PRKCE: variants seen among roughly 807,000 people sequenced by gnomAD.
PRKCE encodes the protein protein kinase C epsilon type.
Under a neutral mutation model 85.4 loss-of-function variants are expected in PRKCE, and 16 were observed. The observed-to-expected ratio is 0.19, with a 90% CI of 0.13 to 0.28. PRKCE has a LOEUF of 0.28. Ranked by LOEUF, PRKCE falls within the 10% of genes least tolerant of loss-of-function variation. The pLI is 1.00. For missense variants in PRKCE, 573 were observed against 975.2 expected (o/e 0.59, Z 5.49); for synonymous variants, 388 against 371.5 (o/e 1.04, Z -0.51).
chr2:45,665,941 A>T (rs189262632), intron 1 of PRKCE, among the ~76,000 whole-genome samples: 213 of 152,204 alleles, frequency 1.4e-3, no homozygotes, highest in Middle Eastern at 0.01. Context: ...AAATAATTCC[A>T]GCCTTGGTGT....
intron 14 of PRKCE, among the ~76,000 whole-genome samples, chr2:46,177,024 A>G (rs957156995): frequency 6.6e-6 from 1 of 152,208 alleles, no homozygotes; most frequent in African/African-American, 2.4e-5. Flanking sequence ...ACTGAGATTC[A>G]GAGAGGTAAG....
chr2:46,136,953 A>G (rs761974305), intron 11 of PRKCE, among the ~76,000 whole-genome samples: 4 of 152,240 alleles, frequency 2.6e-5, no homozygotes, highest in African/African-American at 7.2e-5. Flanking sequence ...TCAGTGCTTT[A>G]TACACATAAA....
chr2:45,849,503 CAGTCT>C (rs1166009977), intron 2 of PRKCE, among the ~76,000 whole-genome samples: 3 of 152,298 alleles, frequency 2.0e-5, no homozygotes, highest in Admixed American at 1.3e-4. Context: ...AAATTCTCTT[CAGTCT>C]TTAATAAGAA....
chr2:46,167,792 C>T (rs1039348384), intron 14 of PRKCE: 2 of 148,560 alleles, frequency 1.3e-5, no homozygotes, highest in South Asian at 2.2e-4. Flanking sequence ...ATGCTTACCA[C>T]GTTGACGTTC....
chr2:45,738,122 A>G (rs997743879), intron 1 of PRKCE, among the ~76,000 whole-genome samples: 1 of 152,070 alleles, frequency 6.6e-6, no homozygotes, highest in Admixed American at 6.5e-5. Flanking sequence ...CCTGCTGCCA[A>G]TCTCTCCCAC....
chr2:45,937,881 G>A (rs1394529877), intron 2 of PRKCE, among the ~76,000 whole-genome samples: 1 of 152,126 alleles, frequency 6.6e-6, no homozygotes, highest in Non-Finnish European at 1.5e-5. Context: ...TTTCTTTAAA[G>A]AGGTGAGGAA....
intron 1 of PRKCE, among the ~76,000 whole-genome samples, chr2:45,769,595 A>G (rs1685162114): frequency 1.3e-5 from 2 of 152,202 alleles, no homozygotes; most frequent in South Asian, 4.1e-4. Flanking sequence ...ACTGATATTA[A>G]GTTTGTTTAA....
At chr2:46,020,849 G>A (rs7575331) in intron 10 of PRKCE, among the ~76,000 whole-genome samples, 42,855 of 152,090 alleles carry the variant, frequency 0.28, 6,671 homozygotes, top group Middle Eastern at 0.38. Flanking sequence ...AAGGAGAGAC[G>A]TATTTATTGA....
At chr2:45,815,197 C>A (rs973999923) in intron 1 of PRKCE, among the ~76,000 whole-genome samples, 1 of 152,186 alleles carries the variant, frequency 6.6e-6, no homozygotes, top group East Asian at 1.9e-4. Context: ...ACACCAGTTA[C>A]CCCCCTTCTT....
chr2:45,883,182 C>T (rs1695008099), intron 2 of PRKCE, among the ~76,000 whole-genome samples: 1 of 152,266 alleles, frequency 6.6e-6, no homozygotes, highest in South Asian at 2.1e-4. Flanking sequence ...CATATCGATG[C>T]TGCCATTTGG....
At chr2:46,128,715 T>C (rs1406870359) in intron 11 of PRKCE, among the ~76,000 whole-genome samples, 1 of 152,192 alleles carries the variant, frequency 6.6e-6, no homozygotes, top group East Asian at 1.9e-4. Context: ...AGATCTGTGG[T>C]TGACCATTAA....
chr2:45,752,170 G>T (rs1683630170), intron 1 of PRKCE, among the ~76,000 whole-genome samples: 1 of 152,160 alleles, frequency 6.6e-6, no homozygotes, highest in South Asian at 2.1e-4. Context: ...TAACTGATAT[G>T]TGTTGAATAC....
At chr2:45,860,336 T>G (rs1025288003) in intron 2 of PRKCE, among the ~76,000 whole-genome samples, 4 of 152,240 alleles carry the variant, frequency 2.6e-5, no homozygotes, top group African/African-American at 9.6e-5. Flanking sequence ...AGTGTACTGA[T>G]CCATGTAACT....
chr2:45,665,307 T>C (rs1675859728), intron 1 of PRKCE, among the ~76,000 whole-genome samples: 1 of 152,250 alleles, frequency 6.6e-6, no homozygotes, highest in South Asian at 2.1e-4. Flanking sequence ...CAGGAGGTCT[T>C]GTTCTTCTGC....
At chr2:45,799,286 C>T (rs1037672258) in intron 1 of PRKCE, among the ~76,000 whole-genome samples, 23 of 152,046 alleles carry the variant, frequency 1.5e-4, no homozygotes, top group African/African-American at 5.6e-4. Flanking sequence ...CCAATTTATA[C>T]TCATTTTCAG....
rs190578771 is a variant in PRKCE, at chr2:45,781,918, C to T, written c.349-61082C>T. ...GCCTCATCCATCCCTCTTCAGTCTA[C>T]TCACTTGAAAAACAAATTACCTGAA... On this transcript the variant is annotated intron_variant, in intron 1 of 14. Transcript: ENST00000306156. 1.9e-3 allele frequency among the ~76,000 whole-genome samples: 296 copies of T among 152,294 alleles called. 7 individuals carry two copies. The highest frequency in any genetic ancestry group is 0.019 in the Admixed American group (284 of 15,298).
In PRKCE at chr2:45,661,523, G is replaced by GTTTTTTTTTTTTTTTTTT. The variant is rs367628974; in HGVS notation, c.348+9081_348+9082insTTTTTTTTTTTTTTTTTT. On this transcript the variant is annotated intron_variant, in intron 1 of 14. Transcript: ENST00000306156. ...TTTTTTTTGTTTTGTTTTGTTTTTT[G>GTTTTTTTTTTTTTTTTTT]TTTTTTGTTTTTTTTTTTTTTTTTA... 3.0e-4 allele frequency among the ~76,000 whole-genome samples: 29 copies of GTTTTTTTTTTTTTTTTTT among 96,658 alleles called. 2 individuals carry two copies. Among genetic ancestry groups the GTTTTTTTTTTTTTTTTTT allele is most frequent in the Non-Finnish European group, 4.8e-4 (24 of 50,336 alleles). The allele number at this position is 96,658 out of a possible 152,430, so 63.4% of individuals were successfully genotyped here. A position where few individuals can be genotyped will look rare whatever the true frequency, so the allele number is the denominator to read the frequency against.
chr2:45,756,879 A>G lies in PRKCE; in HGVS notation c.349-86121A>G, dbSNP rs149655143. On this transcript the variant is annotated intron_variant, in intron 1 of 14. Transcript: ENST00000306156. Reference sequence around the variant, plus strand: ...ATGAGGAAACTTTGTGGGCTGAAGGATATGTTCATAATCTTGATTATGTGA... The same window carrying G: ...ATGAGGAAACTTTGTGGGCTGAAGGGTATGTTCATAATCTTGATTATGTGA... Among the ~76,000 whole-genome samples, 6 of 152,306 alleles carry G rather than the reference A, an allele frequency of 3.9e-5. No individual in the cohort carries two copies. In the East Asian group the frequency reaches 1.2e-3, roughly 29 times the overall value.
chr2:46,012,272 T>G, intron 10 of PRKCE, among the ~76,000 whole-genome samples: 1 of 152,118 alleles, frequency 6.6e-6, no homozygotes, highest in Non-Finnish European at 1.5e-5. Context: ...TTATCTTTCT[T>G]TATCTCTCTC....
Sources: gnomAD v4.1 joint callset for allele counts (sites outside exome capture counted in the v4.1 genomes callset) on GRCh38, gnomAD v4.1.1 for gene constraint, MANE v1.5 for transcripts, NCBI Gene and HGNC (gene_info 2026-07-23, HGNC 2026-07-21) for gene names.